The following CECR2 variants were observed in gnomAD, a reference collection of about 807,000 sequenced individuals.
The protein encoded by CECR2 is CECR2 histone acetyl-lysine reader.
Under a neutral mutation model 154.5 loss-of-function variants are expected in CECR2, and 30 were observed. That is an observed-to-expected ratio of 0.19 (90% CI 0.15 to 0.26). The LOEUF is 0.26. Ranked by LOEUF, CECR2 falls within the 10% of genes least tolerant of loss-of-function variation. The probability of loss-of-function intolerance (pLI) is 1.00; values close to 1 mark genes in which losing one functional copy is unlikely to be tolerated. For synonymous variants in CECR2, 725 were observed against 683.7 expected, an observed-to-expected ratio of 1.06 and a Z score of -0.94; for missense variants, 1,743 against 1,829.3, an observed-to-expected ratio of 0.95 and a Z score of 0.86.
At chr22:17,460,357 G>A (rs930989911) in intron 1 of CECR2, among the ~76,000 whole-genome samples, 11 of 152,230 alleles carry the variant, frequency 7.2e-5, no homozygotes, top group East Asian at 1.9e-4. Context: ...TTACAGGTGC[G>A]TGCCACCATG....
intron 1 of CECR2, among the ~76,000 whole-genome samples, chr22:17,438,865 T>A (rs2054544773): frequency 6.6e-6 from 1 of 152,162 alleles, no homozygotes; most frequent in Non-Finnish European, 1.5e-5. Context: ...AAAAGTTGTT[T>A]TCTTTTTTTC....
chr22:17,503,878 C>T (rs1293614627), intron 6 of CECR2, among the ~76,000 whole-genome samples: 1 of 151,736 alleles, frequency 6.6e-6, no homozygotes, highest in East Asian at 1.9e-4. Flanking sequence ...GAAACCCCAT[C>T]TCTACTAAAA....
chr22:17,445,166 C>G (rs1354413176), intron 1 of CECR2, among the ~76,000 whole-genome samples: 2 of 152,078 alleles, frequency 1.3e-5, no homozygotes, highest in Non-Finnish European at 2.9e-5. Context: ...GTAAGGGAAG[C>G]ATTATACTTT....
intron 9 of CECR2, among the ~76,000 whole-genome samples, chr22:17,534,519 A>T (rs929043258): frequency 5.3e-5 from 8 of 151,390 alleles, no homozygotes; most frequent in South Asian, 2.1e-4. Flanking sequence ...TTATTTATTT[A>T]TTTTTTGAGA....
At chr22:17,451,931 G>A (rs2054777598) in intron 1 of CECR2, among the ~76,000 whole-genome samples, 1 of 152,176 alleles carries the variant, frequency 6.6e-6, no homozygotes, top group African/African-American at 2.4e-5. Context: ...AAACGTGAAG[G>A]ACTTGAGGCC....
At chr22:17,364,669 C>T (rs372278288), upstream of CECR2, among the ~76,000 whole-genome samples, 29 of 152,086 alleles carry the variant, frequency 1.9e-4, no homozygotes, top group African/African-American at 6.5e-4. Flanking sequence ...TATGGTGAAA[C>T]GCCATCTCTA....
At chr22:17,370,846 G>C (rs1368956440) in intron 1 of CECR2, among the ~76,000 whole-genome samples, 1 of 152,228 alleles carries the variant, frequency 6.6e-6, no homozygotes, top group Non-Finnish European at 1.5e-5. Flanking sequence ...CTGAGAATTA[G>C]TCGATTGGTT....
Position 17,542,718 on chromosome 22 carries a change from C to T in CECR2, c.2575C>T (p.Pro859Ser), listed in dbSNP as rs1569154251. 5 of 1,614,060 alleles carry T rather than the reference C, an allele frequency of 3.1e-6. No individual in the cohort carries two copies. The highest frequency in any genetic ancestry group is 4.5e-5 in the East Asian group (2 of 44,888). ...GTTACAGCCACCTCCAGTGCCAGCA[C>T]CCAGTTCTTTGTTTGGAGCACCTGC... The part of the protein sequence containing the change: ...HRLQPPPVPA[P>S]SSLFGAPAQA... The change falls in exon 16 of 19, where the codon CCC (proline) becomes TCC (serine). Residue 859 changes from proline (P) to serine (S), a missense_variant. Physicochemically the swap from Pro to Ser is moderately conservative, Grantham distance 74. Around this residue, in one of 4 missense-constraint regions of CECR2, gnomAD observed 1,250 missense variants for 1,192.1 expected, o/e 1.05. Transcript: ENST00000262608.
chr22:17,537,351 T>C, intron 10 of CECR2, 119 bp downstream of exon 10: 1 of 1,213,742 alleles, frequency 8.2e-7, no homozygotes, highest in Non-Finnish European at 1.2e-6. Flanking sequence ...TCACCATGTG[T>C]GAGTGAACAG....
chr22:17,481,250 T>G (rs1189887334), intron 2 of CECR2, among the ~76,000 whole-genome samples: 5 of 123,478 alleles, frequency 4.0e-5, no homozygotes, highest in Non-Finnish European at 5.0e-5. Flanking sequence ...GGCTGAGGCA[T>G]GAGAATGGCG....
At chr22:17,457,187 C>T (rs2054867524) in intron 1 of CECR2, among the ~76,000 whole-genome samples, 1 of 152,236 alleles carries the variant, frequency 6.6e-6, no homozygotes, top group African/African-American at 2.4e-5. Flanking sequence ...GCCACCACGC[C>T]TGGCTAATTT....
rs869050391 is a variant in CECR2, at chr22:17,482,115, C to CAAAAAAAAA, written c.221+4451_221+4459dup. Among the ~76,000 whole-genome samples the CAAAAAAAAA allele has an allele frequency of 2.2e-3, 167 of 76,314 alleles. 7 individuals are homozygous for CAAAAAAAAA. The East Asian group carries it at 0.025, about 11-fold the overall frequency. The allele number at this position is 76,314 out of a possible 152,430, so 50.1% of individuals were successfully genotyped here. A position where few individuals can be genotyped will look rare whatever the true frequency, so the allele number is the denominator to read the frequency against. On this transcript the variant is annotated intron_variant, in intron 2 of 18. Transcript: ENST00000262608. ...GGGTGACAGATCGAGACTCTGTCTC[C>CAAAAAAAAA]AAAAAAAAAAAAAAAAAAAAAAAAA...
intron 1 of CECR2, among the ~76,000 whole-genome samples, chr22:17,405,665 A>T (rs144758911): frequency 0.26 from 15,309 of 59,850 alleles, 1,660 homozygotes; most frequent in Non-Finnish European, 0.33. Context: ...AAAAAAAAAA[A>T]ATTTTCAATT....
At chr22:17,543,107 CTTTG>C (rs1180386424) in intron 16 of CECR2, 104 bp downstream of exon 16, 10 of 1,303,500 alleles carry the variant, frequency 7.7e-6, no homozygotes, top group South Asian at 1.6e-5. Flanking sequence ...GCCTCTCTTT[CTTTG>C]TTTATTTTTT....
At chr22:17,407,484 A>T (rs1211238919) in intron 1 of CECR2, among the ~76,000 whole-genome samples, 1 of 151,940 alleles carries the variant, frequency 6.6e-6, no homozygotes, top group African/African-American at 2.4e-5. Flanking sequence ...AATCCCAGCT[A>T]CTGGGGAGGC....
intron 1 of CECR2, among the ~76,000 whole-genome samples, chr22:17,409,113 G>A (rs1053312260): frequency 2.0e-4 from 30 of 150,918 alleles, no homozygotes; most frequent in African/African-American, 6.9e-4. Context: ...TTTAAATGTT[G>A]TTGTTTTCTT....
At position 17,555,371 on chromosome 22, in the gene CECR2, T is replaced by A. The variant is rs1231258273; in HGVS notation, c.*2531T>A. The stretch of plus-strand genomic sequence containing the variant: ...ATCAGCAGCAGCAGAATTGTCAGCC[T>A]TCCTGCGTCCTGTGTGGGAATGTGT... On this transcript the variant is annotated 3_prime_UTR_variant, in exon 19 of 19. Coordinates refer to ENST00000262608, the MANE Select transcript of CECR2 (RefSeq NM_001290047.2). 1.8e-4 allele frequency: 27 copies of A among 152,290 alleles called. No homozygotes were observed. Among genetic ancestry groups the A allele is most frequent in the Admixed American group, 1.8e-3 (27 of 15,286 alleles). The allele number at this position is 152,290 out of a possible 1,614,324, so 9.4% of individuals were successfully genotyped here.
intron 1 of CECR2, among the ~76,000 whole-genome samples, chr22:17,468,740 T>C (rs2055073403): frequency 6.6e-6 from 1 of 152,188 alleles, no homozygotes; most frequent in South Asian, 2.1e-4. Context: ...TTATATTTCA[T>C]GTATTTAAAA....
intron 3 of CECR2, among the ~76,000 whole-genome samples, chr22:17,498,119 T>G (rs952668875): frequency 6.6e-6 from 1 of 152,272 alleles, no homozygotes; most frequent in African/African-American, 2.4e-5. Context: ...GGCCGGGTGC[T>G]GTGGCTCACG....
Sources: allele counts gnomAD v4.1 joint callset (sites outside exome capture counted in the v4.1 genomes callset), GRCh38; gene constraint gnomAD v4.1.1; regional missense constraint gnomAD v4.1.1; transcripts MANE v1.5; gene names NCBI Gene and HGNC (gene_info 2026-07-23, HGNC 2026-07-21).